The following CDK8 variants were observed in gnomAD, a reference collection of about 807,000 sequenced individuals.
CDK8 encodes the protein cyclin-dependent kinase 8.
In CDK8, 29 loss-of-function variants were observed where a neutral mutation model predicts 71.5. The ratio of observed to expected loss-of-function variants is 0.41; its 90% CI spans 0.30 to 0.55. CDK8 has a LOEUF of 0.55. Among genes scored for constraint, CDK8 ranks in the 20% least tolerant of loss-of-function variants. The pLI is 0.37. For synonymous variants in CDK8, 161 were observed against 192.1 expected (o/e 0.84, Z 1.34); for missense variants, 288 against 572.6 (o/e 0.50, Z 5.07).
intron 1 of CDK8, among the ~76,000 whole-genome samples, chr13:26,330,027 A>G (rs1875235326): frequency 6.6e-6 from 1 of 151,950 alleles, no homozygotes; most frequent in South Asian, 2.1e-4. Flanking sequence ...CTTCCTGACA[A>G]ACTTCTTAAG....
intron 1 of CDK8, among the ~76,000 whole-genome samples, chr13:26,276,674 G>A (rs566216050): frequency 2.0e-5 from 3 of 152,190 alleles, no homozygotes; most frequent in South Asian, 2.1e-4. Context: ...AGTGGTAGAC[G>A]ATTATCCTAA....
At chr13:26,310,459 G>C (rs567249752) in intron 1 of CDK8, among the ~76,000 whole-genome samples, 4 of 152,138 alleles carry the variant, frequency 2.6e-5, no homozygotes, top group Non-Finnish European at 5.9e-5. Context: ...CCCTGAGCTT[G>C]TTTTCCTGCA....
intron 4 of CDK8, among the ~76,000 whole-genome samples, chr13:26,378,437 AAAG>A (rs973035689): frequency 5.3e-5 from 8 of 152,200 alleles, no homozygotes; most frequent in South Asian, 2.1e-4. Flanking sequence ...GCAGCAGCAA[AAAG>A]AAGAAGAAAA....
chr13:26,286,117 A>T (rs1015176261), intron 1 of CDK8, among the ~76,000 whole-genome samples: 10 of 152,212 alleles, frequency 6.6e-5, no homozygotes, highest in African/African-American at 1.9e-4. Context: ...TGCAATTCCC[A>T]TCAAAATACC....
intron 1 of CDK8, among the ~76,000 whole-genome samples, chr13:26,326,255 A>G (rs776589714): frequency 1.3e-5 from 2 of 152,198 alleles, no homozygotes; most frequent in East Asian, 1.9e-4. Flanking sequence ...GAAAGTGGCT[A>G]CAATCTCAAC....
intron 1 of CDK8, among the ~76,000 whole-genome samples, chr13:26,325,292 C>CA (rs1178789401): frequency 6.6e-6 from 1 of 152,076 alleles, no homozygotes; most frequent in East Asian, 1.9e-4. Context: ...TCAGAATGAT[C>CA]AAAAAAGCAG....
At chr13:26,303,891 A>G (rs1000627575) in intron 1 of CDK8, among the ~76,000 whole-genome samples, 1 of 152,050 alleles carries the variant, frequency 6.6e-6, no homozygotes, top group Non-Finnish European at 1.5e-5. Context: ...TCTGTTATTA[A>G]CCCAGCTACA....
At chr13:26,259,881 G>T (rs1012153167) in intron 1 of CDK8, among the ~76,000 whole-genome samples, 5 of 152,114 alleles carry the variant, frequency 3.3e-5, no homozygotes, top group African/African-American at 1.2e-4. Context: ...TATTTGGGGA[G>T]ATAACTACTG....
chr13:26,385,075 A>G, intron 5 of CDK8, 136 bp from the exon 6 acceptor site: 2 of 679,328 alleles, frequency 2.9e-6, no homozygotes, highest in South Asian at 2.1e-5. Flanking sequence ...GACTTCTAAA[A>G]TGGATGTTTT....
rs1875991285 is a variant in CDK8, at chr13:26,396,349, A to T, written c.855A>T (p.Arg285Ser). ...CAACATTAATGAAAGATTTCAGAAG[A>T]AATACGTAAGTTGGAAAAAAAGAGA... ...EHSTLMKDFR[R>S]NTYTNCSLIK... is the part of the protein sequence containing the mutation. Residue 285 changes from arginine (R) to serine (S), a missense_variant, in exon 8 of 13, where the codon AGA becomes AGT. Physicochemically the swap from Arg to Ser is moderately radical, Grantham distance 110. This residue lies in a region of CDK8 where 96 missense variants were observed against 229.8 expected (regional missense o/e 0.42). Coordinates refer to ENST00000381527, the MANE Select transcript of CDK8 (RefSeq NM_001260.3). The T allele has an allele frequency of 6.9e-7, 1 of 1,450,156 alleles. No homozygotes were observed. Among genetic ancestry groups the T allele is most frequent in the Non-Finnish European group, 9.4e-7 (1 of 1,058,460 alleles). 89.8% of individuals were successfully genotyped at this position (1,450,156 alleles called of 1,614,324 possible). A position where few individuals can be genotyped will look rare whatever the true frequency, so the allele number is the denominator to read the frequency against.
chr13:26,272,763 C>T (rs1174507718), intron 1 of CDK8, among the ~76,000 whole-genome samples: 3 of 152,210 alleles, frequency 2.0e-5, no homozygotes, highest in East Asian at 3.8e-4. Context: ...TCACCACAAA[C>T]GTGCCTGTAA....
chr13:26,299,528 A>G (rs2137913746), intron 1 of CDK8, among the ~76,000 whole-genome samples: 1 of 152,336 alleles, frequency 6.6e-6, no homozygotes, highest in Middle Eastern at 3.4e-3. Context: ...CAGAAACATC[A>G]ATATGCAGTA....
At chr13:26,316,976 T>C (rs964901023) in intron 1 of CDK8, among the ~76,000 whole-genome samples, 5 of 151,440 alleles carry the variant, frequency 3.3e-5, no homozygotes, top group African/African-American at 4.9e-5. Context: ...AAAAAAGATC[T>C]AGAAACAAAA....
chr13:26,363,327 CAAA>C (rs71188725), intron 4 of CDK8, among the ~76,000 whole-genome samples: 1 of 45,234 alleles, frequency 2.2e-5, no homozygotes, highest in Non-Finnish European at 3.5e-5. Flanking sequence ...GACTCCATCT[CAAA>C]AAAAAAAAAA....
intron 4 of CDK8, chr13:26,359,033 A>C (rs1874018241): frequency 3.3e-6 from 1 of 299,228 alleles, no homozygotes; most frequent in South Asian, 3.0e-5. Flanking sequence ...TCTGTAAAAT[A>C]AAAATTACAA....
chr13:26,276,796 T>C (rs1243605765), intron 1 of CDK8, among the ~76,000 whole-genome samples: 1 of 152,236 alleles, frequency 6.6e-6, no homozygotes, highest in Non-Finnish European at 1.5e-5. Context: ...GAAGTTTCAT[T>C]GGAGAAAGAG....
chr13:26,276,323 A>G (rs924454460), intron 1 of CDK8, among the ~76,000 whole-genome samples: 2 of 152,234 alleles, frequency 1.3e-5, no homozygotes, highest in Non-Finnish European at 2.9e-5. Context: ...GGATTGACAT[A>G]CATGATTTAC....
intron 1 of CDK8, among the ~76,000 whole-genome samples, chr13:26,318,801 A>G (rs1874629502): frequency 1.3e-5 from 2 of 152,220 alleles, no homozygotes; most frequent in South Asian, 4.1e-4. Context: ...TATAAATGAA[A>G]GGAAACTACC....
intron 1 of CDK8, among the ~76,000 whole-genome samples, chr13:26,334,424 C>G (rs1565976592): frequency 6.6e-6 from 1 of 152,094 alleles, no homozygotes; most frequent in Non-Finnish European, 1.5e-5. Flanking sequence ...ATAGACTATT[C>G]TGATTCCAAT....
Sources: allele counts gnomAD v4.1 joint callset (sites outside exome capture counted in the v4.1 genomes callset), GRCh38; gene constraint gnomAD v4.1.1; regional missense constraint gnomAD v4.1.1; transcripts MANE v1.5; gene names NCBI Gene and HGNC (gene_info 2026-07-23, HGNC 2026-07-21).